PJA2: variants seen among roughly 807,000 people sequenced by gnomAD.
PJA2 encodes the protein E3 ubiquitin-protein ligase Praja-2.
In PJA2, 25 loss-of-function variants were observed where a neutral mutation model predicts 69.3. That is an observed-to-expected ratio of 0.36 (90% CI 0.26 to 0.50). The LOEUF (loss-of-function observed/expected upper bound fraction) is 0.50, where lower values mean the gene tolerates loss of function less well. Ranked by LOEUF, PJA2 falls within the 20% of genes least tolerant of loss-of-function variation. The pLI, the probability that PJA2 is intolerant of heterozygous loss-of-function variation, is 0.96. For missense variants in PJA2, 809 were observed against 830.2 expected (o/e 0.97, Z 0.31); for synonymous variants, 308 against 277.8 (o/e 1.11, Z -1.08).
At chr5:109,339,365 T>G (rs998868396) in intron 9 of PJA2, among the ~76,000 whole-genome samples, 1 of 152,156 alleles carries the variant, frequency 6.6e-6, no homozygotes, top group Non-Finnish European at 1.5e-5. Context: ...TGATGGGATA[T>G]CCTAAAAGCC....
intron 9 of PJA2, among the ~76,000 whole-genome samples, chr5:109,340,508 G>A (rs1303078168): frequency 6.6e-6 from 1 of 151,690 alleles, no homozygotes; most frequent in Non-Finnish European, 1.5e-5. Flanking sequence ...GGAATTCCTA[G>A]TGAACTGGAT....
intron 9 of PJA2, among the ~76,000 whole-genome samples, chr5:109,338,150 G>A (rs1194736232): frequency 6.6e-6 from 1 of 152,134 alleles, no homozygotes; most frequent in Non-Finnish European, 1.5e-5. Context: ...CTGGAAGGGA[G>A]GCTGAAGAGA....
At chr5:109,337,484 T>A in intron 9 of PJA2, 128 bp from the exon 10 acceptor site, 2 of 1,009,808 alleles carry the variant, frequency 2.0e-6, no homozygotes, top group Non-Finnish European at 2.8e-6. Context: ...AAACTTCAAA[T>A]CCACACAATG....
chr5:109,361,035 G>T (rs754716667), intron 6 of PJA2, among the ~76,000 whole-genome samples: 1 of 152,136 alleles, frequency 6.6e-6, no homozygotes. Flanking sequence ...GGCTGGGGCA[G>T]GAAAATCACT....
chr5:109,358,669 T>C (rs1762459121), intron 6 of PJA2, among the ~76,000 whole-genome samples: 1 of 151,914 alleles, frequency 6.6e-6, no homozygotes, highest in Non-Finnish European at 1.5e-5. Context: ...AAAATACAAA[T>C]ATTAGCCAGG....
rs773214744 is a variant in PJA2 at position 109,381,474 on chromosome 5, T to A, written c.232+29A>T. ...AGATCAATTCCTATATAACTATTAA[T>A]AACCTTTAAATAATTAAATGTTACA... On this transcript the variant is annotated intron_variant, in intron 3 of 9. Transcript: ENST00000361189. The A allele has an allele frequency of 3.8e-6, 6 of 1,582,494 alleles. No individual in the cohort carries two copies. The African/African-American group carries it at 6.8e-5, about 18-fold the overall frequency.
chr5:109,405,746 T>C (rs1365528652), intron 1 of PJA2, among the ~76,000 whole-genome samples: 1 of 152,154 alleles, frequency 6.6e-6, no homozygotes, highest in African/African-American at 2.4e-5. Flanking sequence ...CCAAAATGGA[T>C]AATGTGCCTT....
intron 1 of PJA2, among the ~76,000 whole-genome samples, chr5:109,392,423 T>C (rs114166724): frequency 0.015 from 2,240 of 151,982 alleles, 48 homozygotes; most frequent in African/African-American, 0.052. Context: ...TTGCCGCGCA[T>C]GGTGGTGCAC....
chr5:109,409,919 ACTC>A lies in PJA2; in HGVS notation c.-168_-166del, dbSNP rs1561370445. 20 of 188,460 alleles carry A rather than the reference ACTC, an allele frequency of 1.1e-4. No individual in the cohort carries two copies. Among genetic ancestry groups the A allele is most frequent in the Non-Finnish European group, 2.1e-5 (2 of 93,600 alleles). 11.7% of individuals were successfully genotyped at this position (188,460 alleles called of 1,614,324 possible). ...ACCACCGCCTTCTTCTCCGCCTCCA[ACTC>A]CTCCCCCGCCGAACGCGAAGCGGCT... On this transcript the variant is annotated 5_prime_UTR_variant, in exon 1 of 10. Coordinates refer to ENST00000361189, the MANE Select transcript of PJA2 (RefSeq NM_014819.5).
intron 1 of PJA2, among the ~76,000 whole-genome samples, chr5:109,387,992 A>C (rs1747197973): frequency 6.6e-6 from 1 of 152,370 alleles, no homozygotes; most frequent in East Asian, 1.9e-4. Flanking sequence ...ATTTGGGCAC[A>C]CATGGATTCA....
intron 1 of PJA2, among the ~76,000 whole-genome samples, chr5:109,387,817 T>C (rs1346199242): frequency 2.2e-5 from 1 of 45,860 alleles, no homozygotes; most frequent in African/African-American, 9.1e-5. Flanking sequence ...CTAGTGAATT[T>C]AAAGACAAAG....
intron 7 of PJA2, among the ~76,000 whole-genome samples, chr5:109,352,840 TATTAG>T (rs1762279283): frequency 6.6e-6 from 1 of 150,788 alleles, no homozygotes; most frequent in East Asian, 1.9e-4. Context: ...GACATCTATA[TATTAG>T]ATATCTACAA....
intron 4 of PJA2, among the ~76,000 whole-genome samples, chr5:109,375,146 C>T (rs1021865444): frequency 7.9e-5 from 12 of 152,178 alleles, no homozygotes; most frequent in Non-Finnish European, 1.5e-4. Flanking sequence ...ATCATGAATT[C>T]ATTAAAATAC....
chr5:109,378,963 C>A lies in PJA2; in HGVS notation c.524G>T (p.Gly175Val), dbSNP rs201965925. Residue 175 changes from glycine (G) to valine (V), a missense_variant, in exon 4 of 10, where the codon GGA (glycine) becomes GTA (valine). Coordinates refer to ENST00000361189, the MANE Select transcript of PJA2 (RefSeq NM_014819.5). ...AAGTTGAAGATGGTCATTATCTTCT[C>A]CATGTTTGCCATCTGGATCATAAGA... ...TDSYDPDGKH[G>V]EDNDHLQLSA... 7.5e-5 allele frequency: 121 copies of A among 1,614,034 alleles called. No homozygotes were observed. The highest frequency in any genetic ancestry group is 3.7e-4 in the Admixed American group (22 of 59,998).
intron 4 of PJA2, among the ~76,000 whole-genome samples, chr5:109,369,456 T>C (rs972366819): frequency 7.2e-5 from 11 of 152,214 alleles, no homozygotes; most frequent in Non-Finnish European, 1.6e-4. Context: ...CATTTCTAAA[T>C]AAATTTTTAA....
chr5:109,350,394 T>A (rs1762231118), intron 7 of PJA2, among the ~76,000 whole-genome samples: 1 of 152,114 alleles, frequency 6.6e-6, no homozygotes, highest in Non-Finnish European at 1.5e-5. Flanking sequence ...CTAGAATACA[T>A]GTAGGTTTAA....
At chr5:109,390,662 C>T (rs1157259902) in intron 1 of PJA2, 2 of 151,736 alleles carry the variant, frequency 1.3e-5, no homozygotes, top group East Asian at 1.9e-4. Context: ...TTTATTCCTC[C>T]GTTCTTGAAT....
intron 7 of PJA2, among the ~76,000 whole-genome samples, chr5:109,353,843 T>G (rs1239565147): frequency 1.2e-5 from 1 of 83,082 alleles, no homozygotes; most frequent in African/African-American, 4.6e-5. Context: ...GAGATATCTA[T>G]AGATTAGATG....
intron 7 of PJA2, among the ~76,000 whole-genome samples, chr5:109,348,528 C>G (rs949090384): frequency 1.3e-5 from 2 of 152,182 alleles, no homozygotes; most frequent in African/African-American, 2.4e-5. Flanking sequence ...CCAAGTCACT[C>G]TGAGCCTCCT....
Sources: allele counts gnomAD v4.1 joint callset (sites outside exome capture counted in the v4.1 genomes callset), GRCh38; gene constraint gnomAD v4.1.1; transcripts MANE v1.5; gene names NCBI Gene and HGNC (gene_info 2026-07-23, HGNC 2026-07-21).